SUPT3H: variants seen among roughly 807,000 people sequenced by gnomAD.
SUPT3H encodes the protein transcription initiation protein SPT3 homolog.
In SUPT3H, 44 loss-of-function variants were observed where a neutral mutation model predicts 44.3. The ratio of observed to expected loss-of-function variants is 0.99; its 90% CI spans 0.78 to 1.28. The LOEUF (loss-of-function observed/expected upper bound fraction) is 1.28, where lower values mean the gene tolerates loss of function less well. Ranked by LOEUF, SUPT3H falls within the 50% of genes most tolerant of loss-of-function variation. The pLI, the probability that SUPT3H is intolerant of heterozygous loss-of-function variation, is 0.00. For missense variants in SUPT3H, 380 were observed against 387.1 expected (o/e 0.98, Z 0.15); for synonymous variants, 124 against 125.6 (o/e 0.99, Z 0.09).
chr6:44,979,859 T>C lies in SUPT3H; in HGVS notation c.505-18031A>G, dbSNP rs184625604. Reference sequence around the variant, plus strand: ...CAAACAGATTGGAATTATTAAGTTCTTTCCATTTACCAAACTGTTAACTAA... The same window carrying C: ...CAAACAGATTGGAATTATTAAGTTCCTTCCATTTACCAAACTGTTAACTAA... On this transcript the variant is annotated intron_variant, in intron 6 of 10. Coordinates refer to ENST00000371459, the MANE Select transcript of SUPT3H (RefSeq NM_003599.4). Among the ~76,000 whole-genome samples the C allele has an allele frequency of 4.3e-3, 652 of 152,340 alleles. 6 individuals are homozygous for C. Among genetic ancestry groups the C allele is most frequent in the Admixed American group, 9.0e-3 (138 of 15,290 alleles).
intron 10 of SUPT3H, among the ~76,000 whole-genome samples, chr6:44,864,965 G>A (rs1775277421): frequency 6.6e-6 from 1 of 152,080 alleles, no homozygotes; most frequent in African/African-American, 2.4e-5. Context: ...TTTTATGTCT[G>A]CTTCCCTTAT....
chr6:45,329,390 A>G (rs926250880), intron 2 of SUPT3H, among the ~76,000 whole-genome samples: 1 of 152,020 alleles, frequency 6.6e-6, no homozygotes, highest in Non-Finnish European at 1.5e-5. Flanking sequence ...CAGCTGAAAT[A>G]AAATTATGAT....
At chr6:45,079,626 A>C (rs1795517229) in intron 3 of SUPT3H, among the ~76,000 whole-genome samples, 1 of 152,216 alleles carries the variant, frequency 6.6e-6, no homozygotes, top group Non-Finnish European at 1.5e-5. Context: ...AACAGAAAAG[A>C]GAACCCAGAA....
At chr6:45,121,336 T>C (rs963863614) in intron 2 of SUPT3H, among the ~76,000 whole-genome samples, 9 of 152,086 alleles carry the variant, frequency 5.9e-5, no homozygotes, top group Non-Finnish European at 8.8e-5. Flanking sequence ...AAGAAGGAAA[T>C]TGTGATGCTC....
At chr6:45,179,066 A>T (rs1005838831) in intron 2 of SUPT3H, among the ~76,000 whole-genome samples, 2 of 152,152 alleles carry the variant, frequency 1.3e-5, no homozygotes, top group Non-Finnish European at 2.9e-5. Flanking sequence ...GATCCCACAG[A>T]AATACAAACT....
chr6:44,843,921 A>G (rs949327328), intron 10 of SUPT3H, among the ~76,000 whole-genome samples: 2 of 34,846 alleles, frequency 5.7e-5, no homozygotes, highest in African/African-American at 1.6e-4. Flanking sequence ...ACACACACAC[A>G]CACACGCACA....
At chr6:45,053,669 C>T (rs1329910378) in intron 3 of SUPT3H, among the ~76,000 whole-genome samples, 2 of 145,362 alleles carry the variant, frequency 1.4e-5, no homozygotes, top group African/African-American at 5.1e-5. Context: ...GAGGCCGAAG[C>T]AGGCGGATCA....
At chr6:44,895,255 T>G (rs1175363039) in intron 10 of SUPT3H, among the ~76,000 whole-genome samples, 2 of 606 alleles carry the variant, frequency 3.3e-3, no homozygotes, top group African/African-American at 3.3e-3. Flanking sequence ...CTTAGTCTTG[T>G]TTTTTTTTTT....
At chr6:44,970,835 C>G (rs1003308536) in intron 6 of SUPT3H, among the ~76,000 whole-genome samples, 2 of 152,188 alleles carry the variant, frequency 1.3e-5, no homozygotes, top group African/African-American at 4.8e-5. Flanking sequence ...TTAGTTCATA[C>G]TTTCTCTTTA....
intron 10 of SUPT3H, among the ~76,000 whole-genome samples, chr6:44,905,805 A>T (rs555650243): frequency 3.0e-4 from 46 of 152,370 alleles, no homozygotes; most frequent in Non-Finnish European, 2.5e-4. Flanking sequence ...CTGGATTAAG[A>T]AAATGTGGCA....
chr6:45,343,579 CTT>C (rs929296237), intron 2 of SUPT3H, among the ~76,000 whole-genome samples: 8 of 152,070 alleles, frequency 5.3e-5, no homozygotes, highest in Non-Finnish European at 1.2e-4. Context: ...ATAACTCTCT[CTT>C]GTAAAAAATG....
At chr6:45,305,414 C>T (rs1422715925) in intron 2 of SUPT3H, among the ~76,000 whole-genome samples, 1 of 152,172 alleles carries the variant, frequency 6.6e-6, no homozygotes, top group African/African-American at 2.4e-5. Context: ...AAAGTCTTTT[C>T]ACAAATACAT....
At position 45,003,648 on chromosome 6, in the gene SUPT3H, T is replaced by C. The variant is rs376283231; in HGVS notation, c.504+5A>G. On this transcript the variant is annotated splice_donor_5th_base_variant and intron_variant, in intron 6 of 10. Coordinates refer to ENST00000371459, the MANE Select transcript of SUPT3H (RefSeq NM_003599.4). ...TTTCTGTAAAAAGGGAAGAATGTACTATACCTCCATTCTTTCTTGTTTAAC... is the reference window on the plus strand; with the variant it reads ...TTTCTGTAAAAAGGGAAGAATGTACCATACCTCCATTCTTTCTTGTTTAAC... 2.5e-6 allele frequency: 4 copies of C among 1,612,792 alleles called. No individual in the cohort carries two copies. The African/African-American group carries it at 5.3e-5, about 22-fold the overall frequency.
chr6:45,282,178 C>T (rs936779059), intron 2 of SUPT3H, among the ~76,000 whole-genome samples: 2 of 152,148 alleles, frequency 1.3e-5, no homozygotes, highest in Non-Finnish European at 2.9e-5. Context: ...AAAATCAGAG[C>T]ACCTCTCCTC....
chr6:45,304,708 C>T (rs1276507607), intron 2 of SUPT3H, among the ~76,000 whole-genome samples: 1 of 151,256 alleles, frequency 6.6e-6, no homozygotes, highest in Non-Finnish European at 1.5e-5. Flanking sequence ...AAAAGAATGG[C>T]TTCAATGATT....
intron 2 of SUPT3H, among the ~76,000 whole-genome samples, chr6:45,168,796 C>T (rs779354930): frequency 4.6e-5 from 7 of 152,026 alleles, no homozygotes; most frequent in Non-Finnish European, 7.4e-5. Context: ...GAAAGAAAAG[C>T]GTTTTGCTAC....
intron 2 of SUPT3H, chr6:45,159,523 C>T (rs888022953): frequency 4.6e-5 from 7 of 152,106 alleles, no homozygotes; most frequent in East Asian, 3.9e-4. Context: ...AAACATCAAG[C>T]TTTCTTCAGT....
chr6:44,903,733 G>T (rs1012530296), intron 10 of SUPT3H, among the ~76,000 whole-genome samples: 1 of 152,154 alleles, frequency 6.6e-6, no homozygotes, highest in African/African-American at 2.4e-5. Flanking sequence ...CACCAAAAAA[G>T]AGAATTTTAG....
intron 5 of SUPT3H, among the ~76,000 whole-genome samples, chr6:45,013,935 C>A (rs185447542): frequency 3.3e-5 from 5 of 152,190 alleles, no homozygotes; most frequent in African/African-American, 1.2e-4. Context: ...CTGTTCTTAA[C>A]AAGATTTAGT....
Sources: gnomAD v4.1 joint callset for allele counts (sites outside exome capture counted in the v4.1 genomes callset) on GRCh38, gnomAD v4.1.1 for gene constraint, MANE v1.5 for transcripts, NCBI Gene and HGNC (gene_info 2026-07-23, HGNC 2026-07-21) for gene names.